The following CSMD2 variants were observed in gnomAD, a reference collection of about 807,000 sequenced individuals.
CSMD2 encodes CUB and sushi domain-containing protein 2.
In CSMD2, 130 loss-of-function variants were observed where a neutral mutation model predicts 398.5. The ratio of observed to expected loss-of-function variants is 0.33; its 90% CI spans 0.28 to 0.38. The LOEUF (loss-of-function observed/expected upper bound fraction) is 0.38. Among genes scored for constraint, CSMD2 ranks in the 10% least tolerant of loss-of-function variants. CSMD2 has a pLI of 1.00. For synonymous variants in CSMD2, 1,828 were observed against 1,908.5 expected, an observed-to-expected ratio of 0.96 and a Z score of 1.10; for missense variants, 3,829 against 4,764.9, an observed-to-expected ratio of 0.80 and a Z score of 5.78.
At chr1:33,614,689 G>A in intron 39 of CSMD2, 69 bp from the exon 40 acceptor site, 2 of 838,354 alleles carry the variant, frequency 2.4e-6, no homozygotes, top group East Asian at 5.0e-5. Flanking sequence ...GCCAATGTTT[G>A]GAAGCTCCCT....
chr1:34,138,808 CT>C (rs1268976673), intron 1 of CSMD2, among the ~76,000 whole-genome samples: 1 of 144,804 alleles, frequency 6.9e-6, no homozygotes, highest in Non-Finnish European at 1.5e-5. Context: ...GCATATACTC[CT>C]TTTTTTGAAA....
Position 34,163,934 on chromosome 1 carries a change from T to G in CSMD2, c.187+977A>C, listed in dbSNP as rs1240015971. On this transcript the variant is annotated intron_variant, in intron 1 of 70. Transcript: ENST00000373381. The surrounding 1 kb of genome is among the most constrained non-coding windows in gnomAD (Gnocchi z 5.4). ...AGCCTCCACAGGGGACCGGGTTCCC[T>G]CGAAGGTTCGCGTACCTCCCCCGCG... 6.6e-6 allele frequency among the ~76,000 whole-genome samples: 1 copy of G among 152,038 alleles called. No individual in the cohort carries two copies. Among genetic ancestry groups the G allele is most frequent in the Non-Finnish European group, 1.5e-5 (1 of 67,990 alleles).
At chr1:33,540,738 C>A in intron 59 of CSMD2, 40 bp from the exon 60 acceptor site, 2 of 1,608,768 alleles carry the variant, frequency 1.2e-6, no homozygotes, top group Non-Finnish European at 1.7e-6. Flanking sequence ...TGATGCTGTC[C>A]TGGGAAACCA....
At chr1:34,046,605 T>C (rs1177141751) in intron 2 of CSMD2, among the ~76,000 whole-genome samples, 2 of 152,206 alleles carry the variant, frequency 1.3e-5, no homozygotes, top group African/African-American at 2.4e-5. Flanking sequence ...AATAGCTTTA[T>C]TTACGACATC....
At chr1:33,707,473 G>A (rs1027624644) in intron 22 of CSMD2, among the ~76,000 whole-genome samples, 1 of 152,158 alleles carries the variant, frequency 6.6e-6, no homozygotes, top group African/African-American at 2.4e-5. Flanking sequence ...TATTGGAAGG[G>A]CATAAAACCC....
chr1:33,546,281 A>G, intron 56 of CSMD2, 62 bp from the exon 57 acceptor site: 3 of 1,516,704 alleles, frequency 2.0e-6, no homozygotes, highest in Admixed American at 1.9e-5. Flanking sequence ...GTGGAGAAGC[A>G]GGGGAGAAAG....
In CSMD2 at chr1:34,032,576, G is replaced by A. The variant is rs780442968; in HGVS notation, c.517+18C>T. On this transcript the variant is annotated intron_variant, in intron 3 of 70. Transcript: ENST00000373381. ...CATCACATCTCCGGCTCCTGTGGCC[G>A]ATGAGGGAGGCACTTACCTTCATAG... 7.3e-6 allele frequency: 11 copies of A among 1,507,616 alleles called. No homozygotes were observed. Among genetic ancestry groups the A allele is most frequent in the African/African-American group, 2.8e-5 (2 of 72,042 alleles). 93.4% of individuals were successfully genotyped at this position (1,507,616 alleles called of 1,614,324 possible).
At chr1:33,695,473 G>T (rs1645391705) in intron 24 of CSMD2, among the ~76,000 whole-genome samples, 1 of 152,152 alleles carries the variant, frequency 6.6e-6, no homozygotes, top group Admixed American at 6.5e-5. Context: ...CATTGGAGCA[G>T]TCACTGAAGT....
intron 44 of CSMD2, 22 bp downstream of exon 44, chr1:33,600,843 C>T: frequency 6.2e-7 from 1 of 1,613,122 alleles, no homozygotes; most frequent in Non-Finnish European, 8.5e-7. Flanking sequence ...CCCTTCCCAC[C>T]AGGCCAGGCT....
At chr1:33,852,550 C>A (rs141335538) in intron 5 of CSMD2, among the ~76,000 whole-genome samples, 2 of 152,228 alleles carry the variant, frequency 1.3e-5, no homozygotes, top group Non-Finnish European at 2.9e-5. Flanking sequence ...TATCACTGAT[C>A]CTATAAACCT....
At chr1:33,739,654 C>G (rs1047476620) in intron 14 of CSMD2, among the ~76,000 whole-genome samples, 3 of 152,214 alleles carry the variant, frequency 2.0e-5, no homozygotes, top group Non-Finnish European at 4.4e-5. Context: ...TGTTACCCTA[C>G]TTTACAAATG....
intron 25 of CSMD2, among the ~76,000 whole-genome samples, chr1:33,682,204 C>A (rs2149070140): frequency 6.6e-6 from 1 of 152,346 alleles, no homozygotes; most frequent in East Asian, 1.9e-4. Context: ...ACCTTCTCCT[C>A]TACGTGTATA....
intron 13 of CSMD2, among the ~76,000 whole-genome samples, chr1:33,744,728 G>A (rs1375286167): frequency 6.6e-6 from 1 of 152,152 alleles, no homozygotes; most frequent in African/African-American, 2.4e-5. Flanking sequence ...TGAGTAAAGA[G>A]AGTGCTTAGA....
Position 33,537,992 on chromosome 1 carries a change from T to A in CSMD2, c.9632-383A>T, listed in dbSNP as rs1655968965. 1.3e-5 allele frequency among the ~76,000 whole-genome samples: 2 copies of A among 152,276 alleles called. No homozygotes were observed. The highest frequency in any genetic ancestry group is 6.5e-5 in the Admixed American group (1 of 15,292). On this transcript the variant is annotated intron_variant, in intron 60 of 70. Transcript: ENST00000373381. The surrounding 1 kb of genome is among the most constrained non-coding windows in gnomAD (Gnocchi z 4.6). Reference sequence around the variant, plus strand: ...GAGCGGCAAACCCAAGCCTATGTGATCGTAAATCTTGTTTCATTCACTTAG... The same window carrying A: ...GAGCGGCAAACCCAAGCCTATGTGAACGTAAATCTTGTTTCATTCACTTAG...
At chr1:33,743,994 G>T (rs1226055501) in intron 13 of CSMD2, among the ~76,000 whole-genome samples, 1 of 152,180 alleles carries the variant, frequency 6.6e-6, no homozygotes, top group Admixed American at 6.5e-5. Flanking sequence ...CCAATTGTTG[G>T]CAAGGATCAT....
chr1:33,973,248 AG>A (rs1427330780), intron 3 of CSMD2, among the ~76,000 whole-genome samples: 1 of 152,218 alleles, frequency 6.6e-6, no homozygotes, highest in Non-Finnish European at 1.5e-5. Flanking sequence ...TGTTGACAGC[AG>A]GAAGAACACT....
chr1:34,151,193 T>C (rs1357072629), intron 1 of CSMD2, among the ~76,000 whole-genome samples: 1 of 152,210 alleles, frequency 6.6e-6, no homozygotes, highest in Non-Finnish European at 1.5e-5. Flanking sequence ...TCCTTTGGCC[T>C]TTAGTAGCTT....
chr1:33,715,125 G>A (rs1179450370), intron 20 of CSMD2, among the ~76,000 whole-genome samples: 5 of 152,138 alleles, frequency 3.3e-5, no homozygotes, highest in African/African-American at 7.2e-5. Context: ...GGATCCTCAG[G>A]ACTCAGCTCT....
At chr1:33,748,976 T>G (rs1454670964) in intron 13 of CSMD2, among the ~76,000 whole-genome samples, 1 of 151,456 alleles carries the variant, frequency 6.6e-6, no homozygotes, top group Admixed American at 6.6e-5. Context: ...ACAAATAAAC[T>G]AGACATCAAT....
Sources: allele counts gnomAD v4.1 joint callset (sites outside exome capture counted in the v4.1 genomes callset), GRCh38; gene constraint gnomAD v4.1.1; non-coding constraint Gnocchi (gnomAD v3.1); transcripts MANE v1.5; gene names NCBI Gene and HGNC (gene_info 2026-07-23, HGNC 2026-07-21).